The following SNED1 variants were observed in gnomAD, a reference collection of about 807,000 sequenced individuals.
The protein encoded by SNED1 is sushi, nidogen and EGF-like domain-containing protein 1.
Under a neutral mutation model 166.7 loss-of-function variants are expected in SNED1, and 81 were observed. The ratio of observed to expected loss-of-function variants is 0.49; its 90% CI spans 0.41 to 0.58. The LOEUF is 0.58. Ranked by LOEUF, SNED1 falls within the 20% of genes least tolerant of loss-of-function variation. The pLI, the probability that SNED1 is intolerant of heterozygous loss-of-function variation, is 0.00. For synonymous variants in SNED1, 762 were observed against 822.0 expected (o/e 0.93, Z 1.25); for missense variants, 1,604 against 2,000.2 (o/e 0.80, Z 3.78).
chr2:241,082,457 G>A, intron 29 of SNED1, 93 bp downstream of exon 29: 1 of 884,176 alleles, frequency 1.1e-6, no homozygotes, highest in Non-Finnish European at 1.8e-6. Flanking sequence ...TAACCCTGAG[G>A]AGGGACGATG....
At position 240,999,223 on chromosome 2, in the gene SNED1, G is replaced by A. The variant is rs2060002281; in HGVS notation, c.213+173G>A. On this transcript the variant is annotated intron_variant, in intron 1 of 31. Transcript: ENST00000310397. This position sits in a 1 kb window ranked among gnomAD's most constrained non-coding sequence, Gnocchi z 5.8. ...GGCGGCCAAGGCCGGACAGCGGCCC[G>A]CGGGAGAGGCGCGCGGGCGGGGCGG... Among the ~76,000 whole-genome samples the A allele has an allele frequency of 6.7e-6, 1 of 150,054 alleles. No individual in the cohort carries two copies. The highest frequency in any genetic ancestry group is 2.1e-4 in the South Asian group (1 of 4,822).
Position 240,999,923 on chromosome 2 carries a change from C to G in SNED1, c.213+873C>G, listed in dbSNP as rs1292615839. Among the ~76,000 whole-genome samples, 2 of 152,160 alleles carry G rather than the reference C, an allele frequency of 1.3e-5. No individual in the cohort carries two copies. Among genetic ancestry groups the G allele is most frequent in the African/African-American group, 2.4e-5 (1 of 41,432 alleles). ...ATATCTAGAAAACTGCTGGGCCAGCCTCAAGTAGAGTCCCCTCCAGCTCCG... is the reference window on the plus strand; with the variant it reads ...ATATCTAGAAAACTGCTGGGCCAGCGTCAAGTAGAGTCCCCTCCAGCTCCG... On this transcript the variant is annotated intron_variant, in intron 1 of 31. Transcript: ENST00000310397. The surrounding 1 kb of genome is among the most constrained non-coding windows in gnomAD (Gnocchi z 5.8).
chr2:241,055,259 C>A (rs569177987), intron 16 of SNED1, among the ~76,000 whole-genome samples: 1 of 152,036 alleles, frequency 6.6e-6, no homozygotes, highest in African/African-American at 2.4e-5. Context: ...TCCAGATGAA[C>A]AGCAGATTAA....
chr2:241,078,117 G>A (rs2063120107), intron 27 of SNED1, among the ~76,000 whole-genome samples: 1 of 152,174 alleles, frequency 6.6e-6, no homozygotes, highest in Non-Finnish European at 1.5e-5. Flanking sequence ...GGGCGCGGTG[G>A]CTCACGCCTG....
Position 241,067,771 on chromosome 2 carries a change from C to T in SNED1, c.3018C>T (p.Arg1006=). 1 of 1,607,034 alleles carries T rather than the reference C, an allele frequency of 6.2e-7. No individual in the cohort carries two copies. The highest frequency in any genetic ancestry group is 1.1e-5 in the South Asian group (1 of 90,834). The stretch of plus-strand genomic sequence containing the variant: ...ACAGTCCATTCCCCCTAGGACCCCG[C>T]CCTGTGGAAGGCTTCGAGGTCACCA... ...PAVLLARTRP[R]PVEGFEVTNV... Residue 1006 remains arginine (R), a synonymous_variant, in exon 22 of 32, where the codon CGC becomes CGT. Coordinates refer to ENST00000310397, the MANE Select transcript of SNED1 (RefSeq NM_001080437.3).
At chr2:241,021,744 C>T (rs1382254456) in intron 1 of SNED1, among the ~76,000 whole-genome samples, 2 of 152,106 alleles carry the variant, frequency 1.3e-5, no homozygotes, top group Non-Finnish European at 2.9e-5. Context: ...TTTACATAAA[C>T]ATTTTTGTGT....
rs544068694 is a variant in SNED1 at position 241,052,402 on chromosome 2, G to A, written c.2017G>A (p.Glu673Lys). The change falls in exon 15 of 32, where the codon GAG (glutamate) becomes AAG (lysine). Residue 673 changes from glutamate to lysine, a missense_variant. Coordinates refer to ENST00000310397, the MANE Select transcript of SNED1 (RefSeq NM_001080437.3). The stretch of plus-strand genomic sequence containing the variant: ...CCCGTGTGTGAATGGGGGCACCTGC[G>A]AGGACCGGGACACGGATTTCTTCTG... ...RSPCVNGGTC[E>K]DRDTDFFCHC... The A allele has an allele frequency of 3.1e-6, 5 of 1,599,900 alleles. No homozygotes were observed. The East Asian group carries it at 8.9e-5, about 29-fold the overall frequency.
chr2:241,032,299 G>A (rs1043126900), intron 2 of SNED1, among the ~76,000 whole-genome samples: 10 of 151,982 alleles, frequency 6.6e-5, no homozygotes, highest in Non-Finnish European at 1.2e-4. Flanking sequence ...GCAGTGAGCC[G>A]AGATCATGCC....
chr2:241,089,415 G>A (rs2063763154), intron 31 of SNED1: 1 of 1,550,048 alleles, frequency 6.5e-7, no homozygotes, highest in Non-Finnish European at 8.7e-7. Flanking sequence ...AAAACAAACA[G>A]AAGCAAAACA....
Position 241,051,831 on chromosome 2 carries a change from A to G in SNED1, c.1823A>G (p.Tyr608Cys). The G allele has an allele frequency of 1.3e-6, 2 of 1,561,332 alleles. No individual in the cohort carries two copies. The highest frequency in any genetic ancestry group is 2.4e-5 in the East Asian group (1 of 42,150). ...GGCGAGTACCACTGCAGCTGCCCCT[A>G]CCGCTTCACTGGGAGGCACTGTGAG... is the stretch of plus-strand genomic sequence containing the variant. ...AGGEYHCSCP[Y>C]RFTGRHCEIG... Residue 608 changes from tyrosine (Y) to cysteine (C), a missense_variant, in exon 13 of 32, where the codon TAC (tyrosine) becomes TGC (cysteine). Tyr to Cys is a radical substitution (Grantham distance 194). Around this residue, in one of 2 missense-constraint regions of SNED1, gnomAD observed 1,237 missense variants for 1,620.8 expected, o/e 0.76. Transcript: ENST00000310397. This position sits in a 1 kb window ranked among gnomAD's most constrained non-coding sequence, Gnocchi z 4.7.
intron 1 of SNED1, among the ~76,000 whole-genome samples, chr2:241,009,740 C>G (rs1324722343): frequency 1.3e-5 from 2 of 152,176 alleles, no homozygotes; most frequent in Non-Finnish European, 2.9e-5. Flanking sequence ...CTGGCTCTCC[C>G]TGGTGGTAGC....
In SNED1 at chr2:241,073,627, T is replaced by A; in HGVS notation, c.3916+263T>A. ...GAGTCTGAGCTAGAGAGACTGGCTT[T>A]GATGCTGCCTCCCCTCCCCTCTCCT... On this transcript the variant is annotated intron_variant, in intron 27 of 31. Coordinates refer to ENST00000310397, the MANE Select transcript of SNED1 (RefSeq NM_001080437.3). This position sits in a 1 kb window ranked among gnomAD's most constrained non-coding sequence, Gnocchi z 6.6. 1.9e-6 allele frequency: 1 copy of A among 517,940 alleles called. No individual in the cohort carries two copies. Among genetic ancestry groups the A allele is most frequent in the Non-Finnish European group, 3.4e-6 (1 of 291,244 alleles). The allele number at this position is 517,940 out of a possible 1,614,324, so 32.1% of individuals were successfully genotyped here.
chr2:241,007,240 C>T (rs778685398), intron 1 of SNED1, among the ~76,000 whole-genome samples: 23 of 152,194 alleles, frequency 1.5e-4, no homozygotes, highest in Admixed American at 5.9e-4. Context: ...CTCATATCCT[C>T]CTGAGTTTTT....
chr2:241,016,346 C>A (rs1025784808), intron 1 of SNED1, among the ~76,000 whole-genome samples: 3 of 152,032 alleles, frequency 2.0e-5, no homozygotes, highest in Admixed American at 1.3e-4. Flanking sequence ...CAGGCACCCA[C>A]CACCTTGCCC....
chr2:241,034,777 G>A lies in SNED1; in HGVS notation c.805+47G>A, dbSNP rs955122901. ...TTGGGGTGGGAGCGGGCTGAGGAAGGGGGTTGATGGCAGAGGAGAGGTGGA... is the reference window on the plus strand; with the variant it reads ...TTGGGGTGGGAGCGGGCTGAGGAAGAGGGTTGATGGCAGAGGAGAGGTGGA... On this transcript the variant is annotated intron_variant, in intron 4 of 31. Transcript: ENST00000310397. 6.0e-6 allele frequency: 9 copies of A among 1,488,482 alleles called. No homozygotes were observed. In the East Asian group the frequency reaches 2.3e-4, roughly 38 times the overall value. The allele number at this position is 1,488,482 out of a possible 1,614,324, so 92.2% of individuals were successfully genotyped here.
rs1314755419 is a variant in SNED1 at position 241,003,863 on chromosome 2, G to A, written c.213+4813G>A. ...AGAAGCCATAAGGCTGCACACAGGA[G>A]CAGCAATTTGTAAAGGTGACCAAAA... On this transcript the variant is annotated intron_variant, in intron 1 of 31. Transcript: ENST00000310397. 2.0e-5 allele frequency among the ~76,000 whole-genome samples: 3 copies of A among 152,262 alleles called. 1 individual carries two copies. Among genetic ancestry groups the A allele is most frequent in the South Asian group, 4.1e-4 (2 of 4,836 alleles).
At chr2:241,055,346 C>T (rs902803598) in intron 16 of SNED1, among the ~76,000 whole-genome samples, 2 of 152,064 alleles carry the variant, frequency 1.3e-5, no homozygotes, top group Non-Finnish European at 2.9e-5. Flanking sequence ...CGAGAATATC[C>T]TAGACAAACA....
At chr2:241,081,414 G>C (rs1479774382) in intron 27 of SNED1, among the ~76,000 whole-genome samples, 2 of 150,228 alleles carry the variant, frequency 1.3e-5, no homozygotes, top group South Asian at 4.1e-4. Context: ...CCTCCTCCTT[G>C]TTTTTGTTTG....
At chr2:241,047,832 G>A (rs977078494) in intron 8 of SNED1, among the ~76,000 whole-genome samples, 3 of 151,846 alleles carry the variant, frequency 2.0e-5, no homozygotes, top group Non-Finnish European at 4.4e-5. Flanking sequence ...GGTTTCTCTG[G>A]TGCTTCTTGT....
Sources: allele counts gnomAD v4.1 joint callset (sites outside exome capture counted in the v4.1 genomes callset), GRCh38; gene constraint gnomAD v4.1.1; regional missense constraint gnomAD v4.1.1; non-coding constraint Gnocchi (gnomAD v3.1); transcripts MANE v1.5; gene names NCBI Gene and HGNC (gene_info 2026-07-23, HGNC 2026-07-21).